The following BEND3 variants were observed in gnomAD, a reference collection of about 807,000 sequenced individuals.
BEND3 encodes BEN domain-containing protein 3.
BEND3 carries 13 observed loss-of-function variants against 60.1 expected under a neutral mutation model. That is an observed-to-expected ratio of 0.22 (90% confidence interval 0.14 to 0.34). BEND3 has a LOEUF of 0.34. Ranked by LOEUF, BEND3 falls within the 10% of genes least tolerant of loss-of-function variation. The probability of loss-of-function intolerance (pLI) is 1.00; values close to 1 mark genes in which losing one functional copy is unlikely to be tolerated. For missense variants in BEND3, 896 were observed against 1,138.1 expected (o/e 0.79, Z 3.06); for synonymous variants, 497 against 491.5 (o/e 1.01, Z -0.15).
At position 107,068,571 on chromosome 6, in the gene BEND3, G is replaced by C. The variant is rs6932833; in HGVS notation, c.*133C>G. The C allele has an allele frequency of 4.0e-6, 4 of 998,976 alleles. No individual in the cohort carries two copies. The highest frequency in any genetic ancestry group is 5.8e-6 in the Non-Finnish European group (4 of 694,362). 61.9% of individuals were successfully genotyped at this position (998,976 alleles called of 1,614,324 possible). On this transcript the variant is annotated 3_prime_UTR_variant, in exon 4 of 4. Transcript: ENST00000369042. This position sits in a 1 kb window ranked among gnomAD's most constrained non-coding sequence, Gnocchi z 5.8. ...GTGGGTGTTTACGTGTGCAAATGTA[G>C]TAAGCCACTCCCCACGGACATAAGG...
rs539619252 is a variant in BEND3, at chr6:107,069,340, G to A, written c.1851C>T (p.Tyr617=). The A allele has an allele frequency of 9.3e-6, 15 of 1,612,860 alleles. No homozygotes were observed. Among genetic ancestry groups the A allele is most frequent in the Middle Eastern group, 1.7e-4 (1 of 6,060 alleles). Residue 617 remains tyrosine, a synonymous_variant, in exon 4 of 4, where the codon TAC becomes TAT. Transcript: ENST00000369042. ...DPSRIKLIRH[Y]VQLLYPRAKN... ...TGGCGCGTGGGTAGAGCAGCTGCAC[G>A]TAGTGGCGGATGAGCTTGATGCGGG...
chr6:107,114,903 C>T (rs1156447325), intron 1 of BEND3, among the ~76,000 whole-genome samples, 187 bp downstream of exon 1: 28 of 149,098 alleles, frequency 1.9e-4, no homozygotes, highest in Admixed American at 1.9e-3. Flanking sequence ...CCGCTCCGGT[C>T]GCTCGGCCCG....
intron 3 of BEND3, among the ~76,000 whole-genome samples, chr6:107,074,138 G>A (rs142915738): frequency 1.1e-4 from 16 of 152,234 alleles, no homozygotes; most frequent in Admixed American, 3.3e-4. Context: ...ATTTATGGCC[G>A]GGTGCGGTGG....
chr6:107,099,496 G>T (rs548049595), intron 1 of BEND3, among the ~76,000 whole-genome samples, 200 bp from the exon 2 acceptor site: 1 of 152,282 alleles, frequency 6.6e-6, no homozygotes, highest in African/African-American at 2.4e-5. Flanking sequence ...CCTGCTGGGA[G>T]CTCTTCTCCA....
chr6:107,106,977 C>T (rs1775830192), intron 1 of BEND3, among the ~76,000 whole-genome samples: 1 of 149,662 alleles, frequency 6.7e-6, no homozygotes, highest in African/African-American at 2.5e-5. Context: ...CGCTCTGTCG[C>T]CCAGACTGGA....
chr6:107,065,623 A>C lies in BEND3; in HGVS notation c.*3081T>G, dbSNP rs1554230670. 2 of 152,224 alleles carry C rather than the reference A, an allele frequency of 1.3e-5. No homozygotes were observed. Among genetic ancestry groups the C allele is most frequent in the African/African-American group, 4.8e-5 (2 of 41,454 alleles). 9.4% of individuals were successfully genotyped at this position (152,224 alleles called of 1,614,324 possible). The stretch of plus-strand genomic sequence containing the variant: ...CGAGATCCCCTCTTGACTGGGAAAG[A>C]AGCAAACATTTGTGGGGAACGTTGG... On this transcript the variant is annotated 3_prime_UTR_variant, in exon 4 of 4. Transcript: ENST00000369042.
chr6:107,102,574 T>C (rs1224453084), intron 1 of BEND3, among the ~76,000 whole-genome samples: 1 of 152,188 alleles, frequency 6.6e-6, no homozygotes, highest in Admixed American at 6.5e-5. Flanking sequence ...TGGAAAACAC[T>C]TCCGTGTCCA....
At position 107,071,087 on chromosome 6, in the gene BEND3, C is replaced by T. The variant is rs1554232004; in HGVS notation, c.241-137G>A. On this transcript the variant is annotated intron_variant, in intron 3 of 3. Transcript: ENST00000369042. ...GAAACTGATTCCTCACCCTGAATCA[C>T]TCTGTCATCCAAGGATGCACCACTG... is the stretch of plus-strand genomic sequence containing the variant. 3 of 795,176 alleles carry T rather than the reference C, an allele frequency of 3.8e-6. No homozygotes were observed. In the South Asian group the frequency reaches 5.7e-5, roughly 15 times the overall value. 49.3% of individuals were successfully genotyped at this position (795,176 alleles called of 1,614,324 possible).
At chr6:107,096,350 G>C (rs370561364) in intron 3 of BEND3, among the ~76,000 whole-genome samples, 1 of 152,150 alleles carries the variant, frequency 6.6e-6, no homozygotes, top group Non-Finnish European at 1.5e-5. Flanking sequence ...AGTGACTCAC[G>C]CCTGTAATCC....
At chr6:107,112,562 C>A (rs529249209) in intron 1 of BEND3, among the ~76,000 whole-genome samples, 392 of 150,866 alleles carry the variant, frequency 2.6e-3, no homozygotes, top group African/African-American at 8.6e-3. Flanking sequence ...TCAACAACAA[C>A]AAAAAAAAAC....
At chr6:107,076,225 C>T (rs190570183) in intron 3 of BEND3, among the ~76,000 whole-genome samples, 6 of 152,276 alleles carry the variant, frequency 3.9e-5, no homozygotes, top group African/African-American at 1.2e-4. Flanking sequence ...GATAAAATCT[C>T]GGCTCAGCTG....
intron 1 of BEND3, among the ~76,000 whole-genome samples, chr6:107,110,030 CAAAA>C (rs10708512): frequency 1.8e-4 from 22 of 125,542 alleles, no homozygotes; most frequent in Non-Finnish European, 1.7e-4. Flanking sequence ...GACCCTGACT[CAAAA>C]AAAAAAAAAA....
chr6:107,087,038 A>AG (rs1479987936), intron 3 of BEND3, among the ~76,000 whole-genome samples: 3 of 150,642 alleles, frequency 2.0e-5, no homozygotes, highest in Non-Finnish European at 4.4e-5. Flanking sequence ...AAAAAAAAAA[A>AG]AAAGAAAAAG....
Position 107,070,810 on chromosome 6 carries a change from G to A in BEND3, c.381C>T (p.Tyr127=), listed in dbSNP as rs1774961407. The A allele has an allele frequency of 1.2e-6, 2 of 1,614,132 alleles. No homozygotes were observed. The highest frequency in any genetic ancestry group is 1.7e-6 in the Non-Finnish European group (2 of 1,180,038). ...EPCNDATTPS[Y]KKPLYGISHK... is the part of the protein sequence containing the mutation. ...GCGAGATGCCATACAGAGGCTTCTT[G>A]TAGGAAGGGGTGGTGGCATCGTTGC... The change falls in exon 4 of 4, where the codon TAC becomes TAT. Residue 127 remains tyrosine (Y), a synonymous_variant. Transcript: ENST00000369042. This position sits in a 1 kb window ranked among gnomAD's most constrained non-coding sequence, Gnocchi z 6.9.
intron 3 of BEND3, among the ~76,000 whole-genome samples, chr6:107,074,143 C>A (rs782523188): frequency 6.6e-6 from 1 of 152,138 alleles, no homozygotes; most frequent in East Asian, 1.9e-4. Flanking sequence ...TGGCCGGGTG[C>A]GGTGGCTCAT....
chr6:107,106,128 C>G (rs1775807805), intron 1 of BEND3: 1 of 152,252 alleles, frequency 6.6e-6, no homozygotes, highest in Non-Finnish European at 1.5e-5. Flanking sequence ...AGGAACTTCT[C>G]TGCTACAGGT....
At chr6:107,114,636 C>T (rs1422857484) in intron 1 of BEND3, among the ~76,000 whole-genome samples, 4 of 149,450 alleles carry the variant, frequency 2.7e-5, no homozygotes, top group Admixed American at 2.0e-4. Flanking sequence ...CGAGCGCGAG[C>T]GCCAAGCCGC....
rs916517530 is a variant in BEND3 at position 107,066,354 on chromosome 6, A to G, written c.*2350T>C. 7 of 152,502 alleles carry G rather than the reference A, an allele frequency of 4.6e-5. No individual in the cohort carries two copies. Among genetic ancestry groups the G allele is most frequent in the African/African-American group, 1.7e-4 (7 of 41,432 alleles). 9.4% of individuals were successfully genotyped at this position (152,502 alleles called of 1,614,324 possible). A position where few individuals can be genotyped will look rare whatever the true frequency, so the allele number is the denominator to read the frequency against. On this transcript the variant is annotated 3_prime_UTR_variant, in exon 4 of 4. Transcript: ENST00000369042. ...GGCGTTTCCTGACGACAGTCCAGAG[A>G]TGGTGAGAGTTCCCACGTGTGTCCA...
chr6:107,070,228 C>T lies in BEND3; in HGVS notation c.963G>A (p.Thr321=), dbSNP rs782071465. 19 of 1,612,854 alleles carry T rather than the reference C, an allele frequency of 1.2e-5. No homozygotes were observed. The highest frequency in any genetic ancestry group is 5.0e-5 in the Admixed American group (3 of 59,986). The change falls in exon 4 of 4, where the codon ACG becomes ACA. Residue 321 remains threonine, a synonymous_variant. Transcript: ENST00000369042. This position sits in a 1 kb window ranked among gnomAD's most constrained non-coding sequence, Gnocchi z 6.9. ...GCAGGCACTCGGCCTGCCACACAGC[C>T]GTGTCCTTCACCGAGGGGTAGTAGA... ...VEVYYPSVKD[T]AVWQAECLPQ... is the part of the protein sequence containing the mutation.
Sources: allele counts gnomAD v4.1 joint callset (sites outside exome capture counted in the v4.1 genomes callset), GRCh38; gene constraint gnomAD v4.1.1; non-coding constraint Gnocchi (gnomAD v3.1); transcripts MANE v1.5; gene names NCBI Gene and HGNC (gene_info 2026-07-23, HGNC 2026-07-21).